DGKG: variants seen among roughly 807,000 people sequenced by gnomAD.
DGKG encodes the protein DAG kinase gamma.
In DGKG, 78 loss-of-function variants were observed where a neutral mutation model predicts 105.3. The observed-to-expected ratio is 0.74, with a 90% CI of 0.62 to 0.89. DGKG has a LOEUF of 0.89. DGKG is among the 40% of genes least tolerant of loss of function. DGKG has a pLI of 0.00. For synonymous variants in DGKG, 346 were observed against 367.1 expected (o/e 0.94, Z 0.66); for missense variants, 958 against 1,020.1 (o/e 0.94, Z 0.83).
chr3:186,343,811 A>C lies in DGKG; in HGVS notation c.-249+18135T>G, dbSNP rs527296208. Among the ~76,000 whole-genome samples the C allele has an allele frequency of 1.2e-3, 187 of 151,886 alleles. 2 individuals carry two copies. The highest frequency in any genetic ancestry group is 4.2e-3 in the African/African-American group (173 of 41,200). ...TATGTAGGCATCTCTTTAAAAAAAAATTTCAAATTTGTTTTAGCTCTTTTT... is the reference window on the plus strand; with the variant it reads ...TATGTAGGCATCTCTTTAAAAAAAACTTTCAAATTTGTTTTAGCTCTTTTT... On this transcript the variant is annotated intron_variant, in intron 1 of 24. Transcript: ENST00000265022.
chr3:186,322,565 C>T (rs1450798513), intron 1 of DGKG, among the ~76,000 whole-genome samples: 1 of 152,090 alleles, frequency 6.6e-6, no homozygotes, highest in African/African-American at 2.4e-5. Context: ...CACAAGAACC[C>T]TTGAACCTAA....
intron 20 of DGKG, among the ~76,000 whole-genome samples, chr3:186,217,490 C>T (rs1028821510): frequency 4.6e-5 from 7 of 152,216 alleles, no homozygotes; most frequent in Non-Finnish European, 8.8e-5. Flanking sequence ...CACCATGGCT[C>T]AACTCTATTT....
At chr3:186,285,809 C>T (rs77205148) in intron 6 of DGKG, among the ~76,000 whole-genome samples, 2 of 151,702 alleles carry the variant, frequency 1.3e-5, no homozygotes, top group Admixed American at 6.6e-5. Context: ...CCTCCTGAGT[C>T]GCTGGGATTA....
intron 2 of DGKG, among the ~76,000 whole-genome samples, chr3:186,319,929 A>G (rs1725000503): frequency 6.6e-6 from 1 of 152,244 alleles, no homozygotes; most frequent in Non-Finnish European, 1.5e-5. Context: ...ATGCAGGAAT[A>G]TACTACAGTA....
Position 186,251,878 on chromosome 3 carries a change from C to G in DGKG, c.1642G>C (p.Glu548Gln), listed in dbSNP as rs751645173. 6.2e-7 allele frequency: 1 copy of G among 1,602,222 alleles called. No homozygotes were observed. Among genetic ancestry groups the G allele is most frequent in the Non-Finnish European group, 8.5e-7 (1 of 1,173,246 alleles). The change falls in exon 19 of 25, where the codon GAG becomes CAG. Residue 548 changes from glutamate (E) to glutamine (Q), a missense_variant. Physicochemically the swap from Glu to Gln is conservative, Grantham distance 29. This residue lies in a region of DGKG where 315 missense variants were observed against 400.6 expected (regional missense o/e 0.79). Transcript: ENST00000265022. Reference protein sequence around the residue: ...GSLTKILKDIEQSPLVMLDRW... With the variant: ...GSLTKILKDIQQSPLVMLDRW... Reference sequence around the variant, plus strand: ...TCCAGCATCACCAAGGGGCTCTGCTCAATGTCTTTCAGGATTTTTGTCAAG... The same window carrying G: ...TCCAGCATCACCAAGGGGCTCTGCTGAATGTCTTTCAGGATTTTTGTCAAG...
In DGKG at chr3:186,161,497, A is replaced by G. The variant is rs141721754; in HGVS notation, c.2277+106T>C. On this transcript the variant is annotated intron_variant, in intron 24 of 24. Coordinates refer to ENST00000265022, the MANE Select transcript of DGKG (RefSeq NM_001346.3). Reference sequence around the variant, plus strand: ...GAGGGGTTGCACTAGATAATCTTCCACAGTCCCTGTGACTCTGAGATTCAG... The same window carrying G: ...GAGGGGTTGCACTAGATAATCTTCCGCAGTCCCTGTGACTCTGAGATTCAG... 6.6e-4 allele frequency: 1,038 copies of G among 1,561,618 alleles called. 8 individuals carry two copies. In the African/African-American group the frequency reaches 0.013, roughly 19 times the overall value.
In DGKG at chr3:186,261,711, C is replaced by G; in HGVS notation, c.1337G>C (p.Arg446Thr). 6.2e-7 allele frequency: 1 copy of G among 1,606,444 alleles called. No homozygotes were observed. The highest frequency in any genetic ancestry group is 8.5e-7 in the Non-Finnish European group (1 of 1,176,822). The change falls in exon 15 of 25, where the codon AGA becomes ACA. Residue 446 changes from arginine (R) to threonine (T), a missense_variant. Arg to Thr is a moderately conservative substitution (Grantham distance 71). Transcript: ENST00000265022. ...LVLVNPKSGGRQGERILRKFH... is the reference protein window; with the variant it reads ...LVLVNPKSGGTQGERILRKFH... ...GAAGAGAACGTACCTTTCTCCTTGT[C>G]TCCCTCCACTCTTGGGGTTCACCAA...
At chr3:186,251,624 T>A (rs900313692) in intron 19 of DGKG, 135 bp downstream of exon 19, 70 of 938,094 alleles carry the variant, frequency 7.5e-5, no homozygotes, top group Non-Finnish European at 1.0e-4. Context: ...AGTTTCAGAA[T>A]GCTTGGACCC....
At chr3:186,250,557 C>CT (rs10529645) in intron 19 of DGKG, among the ~76,000 whole-genome samples, 4 of 116,174 alleles carry the variant, frequency 3.4e-5, no homozygotes, top group Admixed American at 2.1e-4. Context: ...TTCTGTCATT[C>CT]TTTTTTTTTT....
intron 2 of DGKG, among the ~76,000 whole-genome samples, chr3:186,312,351 T>C (rs759683): frequency 0.012 from 1,902 of 152,220 alleles, 38 homozygotes; most frequent in African/African-American, 0.043. Flanking sequence ...CATTGGGATC[T>C]GGTAAAAATG....
At chr3:186,200,981 G>A (rs372295765) in intron 21 of DGKG, among the ~76,000 whole-genome samples, 88 of 152,276 alleles carry the variant, frequency 5.8e-4, no homozygotes, top group African/African-American at 6.5e-4. Context: ...TTGCAGCTGG[G>A]GGTGGGGGTG....
At chr3:186,206,968 C>T (rs778220592) in intron 21 of DGKG, among the ~76,000 whole-genome samples, 6 of 152,034 alleles carry the variant, frequency 3.9e-5, no homozygotes, top group Non-Finnish European at 7.4e-5. Flanking sequence ...AGGCTGGTCT[C>T]GAACTCCTGA....
At chr3:186,355,773 C>T (rs1366632911) in intron 1 of DGKG, among the ~76,000 whole-genome samples, 1 of 152,172 alleles carries the variant, frequency 6.6e-6, no homozygotes, top group African/African-American at 2.4e-5. Context: ...ACCATCATCA[C>T]CACCACTACC....
chr3:186,300,783 T>C (rs1444196091), intron 3 of DGKG, among the ~76,000 whole-genome samples: 3 of 152,218 alleles, frequency 2.0e-5, no homozygotes, highest in Admixed American at 2.0e-4. Flanking sequence ...TCTAACATAA[T>C]GCTGTAAAAA....
intron 22 of DGKG, among the ~76,000 whole-genome samples, chr3:186,181,311 C>T (rs551311891): frequency 6.6e-6 from 1 of 152,294 alleles, no homozygotes; most frequent in East Asian, 1.9e-4. Context: ...AAGCCTGTCC[C>T]CACTGCTGGG....
chr3:186,290,867 A>G (rs548976297), intron 5 of DGKG, among the ~76,000 whole-genome samples: 42 of 152,332 alleles, frequency 2.8e-4, no homozygotes, highest in African/African-American at 9.9e-4. Context: ...GAAGGAAAAC[A>G]CCTAAGGCTA....
At chr3:186,357,710 C>G (rs1019499803) in intron 1 of DGKG, among the ~76,000 whole-genome samples, 2 of 152,222 alleles carry the variant, frequency 1.3e-5, no homozygotes, top group African/African-American at 4.8e-5. Flanking sequence ...TTATCTTTCT[C>G]TCCCTCATCT....
chr3:186,304,159 A>G (rs1299059121), intron 3 of DGKG, among the ~76,000 whole-genome samples: 1 of 152,202 alleles, frequency 6.6e-6, no homozygotes, highest in Non-Finnish European at 1.5e-5. Flanking sequence ...GGCCCTGACC[A>G]AACTGTTCCT....
At chr3:186,258,952 G>A (rs1044598898) in intron 16 of DGKG, among the ~76,000 whole-genome samples, 1 of 152,104 alleles carries the variant, frequency 6.6e-6, no homozygotes, top group African/African-American at 2.4e-5. Flanking sequence ...TGTGCCCTGC[G>A]GACACCTTGG....
Sources: allele counts gnomAD v4.1 joint callset (sites outside exome capture counted in the v4.1 genomes callset), GRCh38; gene constraint gnomAD v4.1.1; regional missense constraint gnomAD v4.1.1; transcripts MANE v1.5; gene names NCBI Gene and HGNC (gene_info 2026-07-23, HGNC 2026-07-21).